Variants in SOX6 observed in about 807,000 individuals in gnomAD.
SOX6 encodes the protein transcription factor SOX-6.
SOX6 carries 11 observed loss-of-function variants against 97.8 expected under a neutral mutation model. The observed-to-expected ratio is 0.11, with a 90% CI of 0.07 to 0.19. The LOEUF is 0.19. Among genes scored for constraint, SOX6 ranks in the 10% least tolerant of loss-of-function variants. The pLI is 1.00. For missense variants in SOX6, 810 were observed against 1,039.5 expected (o/e 0.78, Z 3.04); for synonymous variants, 360 against 371.4 (o/e 0.97, Z 0.35).
intron 6 of SOX6, among the ~76,000 whole-genome samples, chr11:16,144,746 C>T (rs2134045773): frequency 6.6e-6 from 1 of 152,278 alleles, no homozygotes; most frequent in East Asian, 1.9e-4. Flanking sequence ...ACTAGAAAAT[C>T]TAGAAGAAAT....
At chr11:16,462,573 G>A (rs1302399661) in intron 1 of SOX6, among the ~76,000 whole-genome samples, 1 of 152,120 alleles carries the variant, frequency 6.6e-6, no homozygotes. Context: ...CATGAAAATG[G>A]TCAAAAGCAT....
At chr11:16,735,281 T>C (rs2134062392) in intron 2 of SOX6, among the ~76,000 whole-genome samples, 1 of 152,266 alleles carries the variant, frequency 6.6e-6, no homozygotes, top group South Asian at 2.1e-4. Flanking sequence ...CTTTTAGGCT[T>C]ATCAGGTTTC....
At chr11:16,563,975 T>C (rs1847842096) in intron 4 of SOX6, among the ~76,000 whole-genome samples, 1 of 152,106 alleles carries the variant, frequency 6.6e-6, no homozygotes, top group Non-Finnish European at 1.5e-5. Flanking sequence ...CTGAAAGAAA[T>C]GACTAGTCAA....
chr11:16,516,594 C>T (rs1295560134), intron 4 of SOX6, among the ~76,000 whole-genome samples: 1 of 151,746 alleles, frequency 6.6e-6, no homozygotes, highest in Non-Finnish European at 1.5e-5. Context: ...TGGATAAATT[C>T]CTCGACACAT....
intron 6 of SOX6, among the ~76,000 whole-genome samples, chr11:16,127,430 T>C (rs1267358414): frequency 6.6e-6 from 1 of 152,080 alleles, no homozygotes; most frequent in Non-Finnish European, 1.5e-5. Flanking sequence ...ATCTATTAAA[T>C]TCTAAAAATT....
At chr11:16,729,294 G>A (rs1318148685) in intron 2 of SOX6, among the ~76,000 whole-genome samples, 1 of 152,146 alleles carries the variant, frequency 6.6e-6, no homozygotes, top group Non-Finnish European at 1.5e-5. Context: ...CACCAAGGTT[G>A]AAATGAAGGA....
chr11:16,594,855 T>C (rs1284997464), intron 4 of SOX6, among the ~76,000 whole-genome samples: 1 of 151,958 alleles, frequency 6.6e-6, no homozygotes, highest in Non-Finnish European at 1.5e-5. Context: ...CATGCCTGGA[T>C]AATTTTTTGT....
intron 13 of SOX6, among the ~76,000 whole-genome samples, chr11:16,014,352 T>C (rs1453714526): frequency 6.6e-6 from 1 of 152,064 alleles, no homozygotes; most frequent in African/African-American, 2.4e-5. Flanking sequence ...GGTTAGTGCA[T>C]AGGCACAGGC....
intron 3 of SOX6, among the ~76,000 whole-genome samples, chr11:16,616,253 A>G (rs1321976106): frequency 6.6e-6 from 1 of 152,118 alleles, no homozygotes; most frequent in Non-Finnish European, 1.5e-5. Context: ...CAAAGAAGGA[A>G]CACAAAAGTA....
intron 4 of SOX6, among the ~76,000 whole-genome samples, chr11:16,526,390 A>G (rs1422489547): frequency 2.6e-5 from 4 of 151,810 alleles, no homozygotes; most frequent in African/African-American, 4.8e-5. Flanking sequence ...AGGACAAAAA[A>G]CCAAACACCG....
intron 4 of SOX6, among the ~76,000 whole-genome samples, chr11:16,571,111 G>C (rs1002331497): frequency 6.6e-6 from 1 of 151,990 alleles, no homozygotes; most frequent in Non-Finnish European, 1.5e-5. Context: ...TTTCATACTT[G>C]GGCTGTTGCT....
intron 4 of SOX6, among the ~76,000 whole-genome samples, chr11:16,490,073 T>C (rs192467474): frequency 4.0e-4 from 61 of 152,246 alleles, no homozygotes; most frequent in Admixed American, 5.9e-4. Flanking sequence ...TCAATAATTT[T>C]TGGCAATTAT....
At chr11:16,575,543 C>A (rs915898397) in intron 4 of SOX6, among the ~76,000 whole-genome samples, 1 of 152,100 alleles carries the variant, frequency 6.6e-6, no homozygotes, top group Non-Finnish European at 1.5e-5. Context: ...GATATTCACA[C>A]AATAAAAATC....
intron 3 of SOX6, among the ~76,000 whole-genome samples, chr11:16,634,328 A>G (rs1301033312): frequency 1.3e-5 from 2 of 152,014 alleles, no homozygotes; most frequent in African/African-American, 2.4e-5. Context: ...AAGAGAAGAA[A>G]AAAATGGAAG....
chr11:16,132,040 T>C (rs1849752677), intron 6 of SOX6, among the ~76,000 whole-genome samples: 1 of 151,768 alleles, frequency 6.6e-6, no homozygotes, highest in South Asian at 2.1e-4. Context: ...TATATATCCA[T>C]AAAGCAGGAA....
chr11:16,070,311 G>A (rs1451617200), intron 9 of SOX6, among the ~76,000 whole-genome samples: 2 of 152,082 alleles, frequency 1.3e-5, no homozygotes, highest in Admixed American at 1.3e-4. Flanking sequence ...TGGAGGTGAG[G>A]AGAAGCTGTA....
At chr11:16,731,545 C>A (rs770430539) in intron 2 of SOX6, among the ~76,000 whole-genome samples, 16 of 152,094 alleles carry the variant, frequency 1.1e-4, no homozygotes, top group Non-Finnish European at 2.1e-4. Flanking sequence ...AAATTCAACA[C>A]CCTTTCATAC....
At chr11:16,693,592 G>A (rs966792452) in intron 3 of SOX6, among the ~76,000 whole-genome samples, 6 of 151,944 alleles carry the variant, frequency 3.9e-5, no homozygotes, top group South Asian at 4.2e-4. Flanking sequence ...TAATCCCATC[G>A]CTTTTTATAT....
chr11:16,399,192 TA>T (rs1246171387), intron 1 of SOX6, among the ~76,000 whole-genome samples: 2 of 151,314 alleles, frequency 1.3e-5, no homozygotes, highest in African/African-American at 2.4e-5. Flanking sequence ...TTTTTATAAT[TA>T]AACAGGATCA....
Sources: gnomAD v4.1 joint callset for allele counts (sites outside exome capture counted in the v4.1 genomes callset) on GRCh38, gnomAD v4.1.1 for gene constraint, MANE v1.5 for transcripts, NCBI Gene and HGNC (gene_info 2026-07-23, HGNC 2026-07-21) for gene names.